SV2C: variants seen among roughly 807,000 people sequenced by gnomAD.
SV2C encodes the protein solute carrier family 22 member B3.
A neutral mutation model predicts 79.7 loss-of-function variants in SV2C; 49 were observed. The ratio of observed to expected loss-of-function variants is 0.61; its 90% CI spans 0.49 to 0.78. The LOEUF is 0.78. SV2C is among the 30% of genes least tolerant of loss of function. The pLI is 0.00. For missense variants in SV2C, 833 were observed against 912.9 expected, an observed-to-expected ratio of 0.91 and a Z score of 1.13; for synonymous variants, 334 against 333.2, an observed-to-expected ratio of 1.00 and a Z score of -0.03.
intron 2 of SV2C, chr5:76,174,294 G>T: frequency 9.4e-7 from 1 of 1,063,190 alleles, no homozygotes; most frequent in Non-Finnish European, 1.4e-6. Context: ...AGGCGCCACG[G>T]CGGTCCTGCC....
At chr5:75,858,574 T>G in the SV2C span, among the ~76,000 whole-genome samples, 1,289 of 152,302 alleles carry the variant, frequency 8.5e-3, 25 homozygotes, top group African/African-American at 0.029. Context: ...CTTTTTTTCT[T>G]ATGTGTCTTT....
the SV2C span, among the ~76,000 whole-genome samples, chr5:76,073,794 C>T: frequency 6.6e-6 from 1 of 151,930 alleles, no homozygotes; most frequent in East Asian, 1.9e-4. Flanking sequence ...ACATTGGGTA[C>T]AATGCACACT....
chr5:76,067,717 A>T, the SV2C span, among the ~76,000 whole-genome samples: 2 of 152,030 alleles, frequency 1.3e-5, no homozygotes, highest in Non-Finnish European at 2.9e-5. Flanking sequence ...TTTTCCATTC[A>T]AGAGTATATG....
chr5:76,033,392 A>C, the SV2C span, among the ~76,000 whole-genome samples: 4 of 152,204 alleles, frequency 2.6e-5, no homozygotes, highest in African/African-American at 9.7e-5. Context: ...TCTAACATTT[A>C]AGTCTTTAAT....
intron 2 of SV2C, among the ~76,000 whole-genome samples, chr5:76,152,160 G>A (rs1453460317): frequency 6.6e-6 from 1 of 152,214 alleles, no homozygotes. Flanking sequence ...AAGGACACAG[G>A]CAGTGGCCAT....
the SV2C span, among the ~76,000 whole-genome samples, chr5:76,076,998 A>G: frequency 1.3e-5 from 2 of 152,184 alleles, no homozygotes; most frequent in African/African-American, 4.8e-5. Flanking sequence ...ACTATCAAAC[A>G]TCTCGTAAAA....
At chr5:76,159,392 C>G (rs1742833767) in intron 2 of SV2C, among the ~76,000 whole-genome samples, 1 of 152,052 alleles carries the variant, frequency 6.6e-6, no homozygotes, top group Non-Finnish European at 1.5e-5. Context: ...AGGGACTCCA[C>G]TAAAAAACCA....
the SV2C span, among the ~76,000 whole-genome samples, chr5:76,036,677 AT>A: frequency 6.6e-6 from 1 of 151,868 alleles, no homozygotes; most frequent in South Asian, 2.1e-4. Flanking sequence ...TGCCTTTAAC[AT>A]TTTTTCCTTC....
intron 12 of SV2C, among the ~76,000 whole-genome samples, chr5:76,347,980 T>C (rs1334304321): frequency 1.3e-5 from 2 of 152,184 alleles, no homozygotes; most frequent in African/African-American, 4.8e-5. Context: ...GCACAGTCTA[T>C]GGGTTTGGAC....
At chr5:76,021,373 A>G in the SV2C span, among the ~76,000 whole-genome samples, 4 of 152,248 alleles carry the variant, frequency 2.6e-5, no homozygotes, top group African/African-American at 4.8e-5. Flanking sequence ...AAGAAAAACT[A>G]TTTGGACAAA....
At chr5:76,242,319 G>A in intron 4 of SV2C, 3 of 1,460,050 alleles carry the variant, frequency 2.1e-6, no homozygotes, top group African/African-American at 1.4e-5. Context: ...ACGGCAGCGG[G>A]ACATAGGTGC....
At chr5:76,245,240 A>C (rs1383296916) in intron 4 of SV2C, among the ~76,000 whole-genome samples, 1 of 152,136 alleles carries the variant, frequency 6.6e-6, no homozygotes, top group South Asian at 2.1e-4. Context: ...ATTCCCAATA[A>C]ATTTTGTAGG....
chr5:76,084,001 A>C (rs1561208022), intron 1 of SV2C: 4 of 152,288 alleles, frequency 2.6e-5, no homozygotes, highest in Admixed American at 1.3e-4. Flanking sequence ...GCAGACGTGC[A>C]GGTGGCGGGA....
chr5:76,135,580 A>G (rs1749040397), intron 2 of SV2C, among the ~76,000 whole-genome samples: 1 of 152,166 alleles, frequency 6.6e-6, no homozygotes, highest in Non-Finnish European at 1.5e-5. Context: ...ATTAAGAGTT[A>G]TTGGCTGCTG....
rs200769447 is a variant in SV2C at position 76,301,476 on chromosome 5, A to G, written c.1931A>G (p.Asn644Ser). ...ATGATAGGCATGCTGTGTCTGTACA[A>G]TGGATTGACCATCTCAGCCTGGAAC... ...SMMIGMLCLY[N>S]GLTISAWNSL... Residue 644 changes from asparagine to serine, a missense_variant, in exon 12 of 13, where the codon AAT (asparagine) becomes AGT (serine). Asn to Ser is a conservative substitution (Grantham distance 46, BLOSUM62 1). Coordinates refer to ENST00000502798, the MANE Select transcript of SV2C (RefSeq NM_014979.4). 304 of 1,613,978 alleles carry G rather than the reference A, an allele frequency of 1.9e-4. No individual in the cohort carries two copies. Among genetic ancestry groups the G allele is most frequent in the Non-Finnish European group, 2.5e-4 (296 of 1,180,010 alleles).
chr5:76,202,733 G>T (rs1744491020), intron 3 of SV2C, among the ~76,000 whole-genome samples: 1 of 152,144 alleles, frequency 6.6e-6, no homozygotes, highest in Admixed American at 6.5e-5. Context: ...GTCCAACATG[G>T]TAACCACTAG....
At chr5:75,907,936 G>A in the SV2C span, among the ~76,000 whole-genome samples, 4 of 152,200 alleles carry the variant, frequency 2.6e-5, no homozygotes, top group African/African-American at 9.7e-5. Flanking sequence ...TGCACACACA[G>A]CCATCTCTTC....
At chr5:76,051,226 A>G in the SV2C span, among the ~76,000 whole-genome samples, 7 of 152,326 alleles carry the variant, frequency 4.6e-5, no homozygotes, top group East Asian at 1.3e-3. Context: ...AGAAATGCTA[A>G]CAAAAACAAC....
intron 4 of SV2C, among the ~76,000 whole-genome samples, chr5:76,220,923 T>C (rs1428415389): frequency 6.6e-6 from 1 of 152,152 alleles, no homozygotes; most frequent in African/African-American, 2.4e-5. Context: ...ACAAATCCAC[T>C]TGAATCTCAT....
Sources: gnomAD v4.1 joint callset for allele counts (sites outside exome capture counted in the v4.1 genomes callset) on GRCh38, gnomAD v4.1.1 for gene constraint, MANE v1.5 for transcripts, NCBI Gene and HGNC (gene_info 2026-07-23, HGNC 2026-07-21) for gene names.